The following CASP9 variants were observed in gnomAD, a reference collection of about 807,000 sequenced individuals.
The protein encoded by CASP9 is caspase 9, also known as caspase-9.
CASP9 carries 29 observed loss-of-function variants against 43.5 expected under a neutral mutation model. That is an observed-to-expected ratio of 0.67 (90% CI 0.50 to 0.91). The LOEUF (loss-of-function observed/expected upper bound fraction) is 0.91, where lower values mean the gene tolerates loss of function less well. Among genes scored for constraint, CASP9 ranks in the 40% least tolerant of loss-of-function variants. CASP9 has a pLI of 0.00. For missense variants in CASP9, 575 were observed against 537.4 expected, an observed-to-expected ratio of 1.07 and a Z score of -0.69; for synonymous variants, 206 against 211.9, an observed-to-expected ratio of 0.97 and a Z score of 0.24.
At chr1:15,500,096 GA>G (rs1178617272) in intron 6 of CASP9, among the ~76,000 whole-genome samples, 1 of 149,722 alleles carries the variant, frequency 6.7e-6, no homozygotes, top group Non-Finnish European at 1.5e-5. Flanking sequence ...ACTCAGGAAA[GA>G]AGGCATCTAA....
chr1:15,501,685 C>T (rs1352332945), intron 6 of CASP9, among the ~76,000 whole-genome samples: 1 of 152,214 alleles, frequency 6.6e-6, no homozygotes, highest in African/African-American at 2.4e-5. Flanking sequence ...TGCATGCTGG[C>T]TTTGAAATCT....
chr1:15,500,437 A>T (rs1040463370), intron 6 of CASP9, among the ~76,000 whole-genome samples: 5 of 152,162 alleles, frequency 3.3e-5, no homozygotes, highest in African/African-American at 1.2e-4. Context: ...GCAACCCCAT[A>T]ATAGTAACAC....
rs530381203 is a variant in CASP9 at position 15,510,234 on chromosome 1, T to TTTTTTC, written c.419-2333_419-2328dup. Among the ~76,000 whole-genome samples, 402 of 152,224 alleles carry TTTTTTC rather than the reference T, an allele frequency of 2.6e-3. 1 individual carries two copies. Among genetic ancestry groups the TTTTTTC allele is most frequent in the African/African-American group, 9.2e-3 (383 of 41,552 alleles). On this transcript the variant is annotated intron_variant, in intron 2 of 8. Coordinates refer to ENST00000333868, the MANE Select transcript of CASP9 (RefSeq NM_001229.5). Reference sequence around the variant, plus strand: ...CATGAGCCACCACGCCCGGCCTACATTTTTTCTTTTTTAAACAAGGAGAAT... The same window carrying TTTTTTC: ...CATGAGCCACCACGCCCGGCCTACATTTTTTCTTTTTCTTTTTTAAACAAGGAGAAT...
intron 1 of CASP9, among the ~76,000 whole-genome samples, chr1:15,519,117 C>T (rs1388146294): frequency 6.6e-6 from 1 of 151,866 alleles, no homozygotes; most frequent in Non-Finnish European, 1.5e-5. Context: ...TCAAGTGATC[C>T]TCCAGCCTTG....
intron 5 of CASP9, among the ~76,000 whole-genome samples, 197 bp downstream of exon 5, chr1:15,505,793 C>T (rs1316129809): frequency 6.6e-6 from 1 of 152,220 alleles, no homozygotes; most frequent in African/African-American, 2.4e-5. Context: ...GAACACCGAC[C>T]TGCCCAGGAC....
At chr1:15,499,694 G>A (rs1387972392) in intron 6 of CASP9, among the ~76,000 whole-genome samples, 1 of 152,176 alleles carries the variant, frequency 6.6e-6, no homozygotes, top group Non-Finnish European at 1.5e-5. Context: ...TCATGAAAAT[G>A]GCCCATTATA....
intron 2 of CASP9, among the ~76,000 whole-genome samples, chr1:15,510,937 G>A (rs1342458104): frequency 6.6e-6 from 1 of 152,138 alleles, no homozygotes; most frequent in Non-Finnish European, 1.5e-5. Flanking sequence ...AGGGAAAGAA[G>A]GGGTTTCGTC....
rs1392013515 is a variant in CASP9 at position 15,524,051 on chromosome 1, A to AGGGGGAC, written c.132+17_132+18insGTCCCCC. ...GGACCCGGCCGTGCAGCGCGGGGAC[A>AGGGGGAC]GGGGGCCGGGGGCGCACCTGGATGT... On this transcript the variant is annotated intron_variant, in intron 1 of 8. Transcript: ENST00000333868. 1 of 1,392,354 alleles carries AGGGGGAC rather than the reference A, an allele frequency of 7.2e-7. No individual in the cohort carries two copies. The highest frequency in any genetic ancestry group is 3.0e-5 in the East Asian group (1 of 33,054). 86.2% of individuals were successfully genotyped at this position (1,392,354 alleles called of 1,614,324 possible).
chr1:15,491,639 T>A lies in CASP9; in HGVS notation c.*1304A>T, dbSNP rs183612905. On this transcript the variant is annotated 3_prime_UTR_variant, in exon 9 of 9. Transcript: ENST00000333868. ...TGGGAGAGGTGGTGCACACCTGTAG[T>A]CCAAGCTACTCAGGTGGCTGAGGTG... 1.9e-4 allele frequency: 50 copies of A among 267,734 alleles called. No homozygotes were observed. Among genetic ancestry groups the A allele is most frequent in the African/African-American group, 8.9e-4 (41 of 45,882 alleles). The allele number at this position is 267,734 out of a possible 1,614,324, so 16.6% of individuals were successfully genotyped here. A position where few individuals can be genotyped will look rare whatever the true frequency, so the allele number is the denominator to read the frequency against.
In CASP9 at chr1:15,518,100, T is replaced by A; in HGVS notation, c.418+10A>T. 1 of 1,613,282 alleles carries A rather than the reference T, an allele frequency of 6.2e-7. No homozygotes were observed. Among genetic ancestry groups the A allele is most frequent in the Non-Finnish European group, 8.5e-7 (1 of 1,179,378 alleles). On this transcript the variant is annotated intron_variant, in intron 2 of 8. Coordinates refer to ENST00000333868, the MANE Select transcript of CASP9 (RefSeq NM_001229.5). ...CATGCCCACCCACCAATCACTCTCT[T>A]GCTACTTACCGACATCACCAAATCC...
At chr1:15,507,258 C>A (rs1044904289) in intron 3 of CASP9, 183 bp from the exon 4 acceptor site, 4 of 614,320 alleles carry the variant, frequency 6.5e-6, no homozygotes, top group African/African-American at 1.9e-5. Flanking sequence ...GTGACCCCCC[C>A]ATCTTGGTAT....
Position 15,524,212 on chromosome 1 carries a change from A to C in CASP9, c.-12T>G. ...TCCGCTTCGTCCATGGCGAGTAGCC[A>C]ACTAAGACTCCAGGCCGCCTCAGTC... On this transcript the variant is annotated 5_prime_UTR_variant, in exon 1 of 9. Coordinates refer to ENST00000333868, the MANE Select transcript of CASP9 (RefSeq NM_001229.5). 1 of 1,540,370 alleles carries C rather than the reference A, an allele frequency of 6.5e-7. No homozygotes were observed. The highest frequency in any genetic ancestry group is 8.7e-7 in the Non-Finnish European group (1 of 1,148,058).
intron 3 of CASP9, 107 bp downstream of exon 3, chr1:15,507,766 G>C: frequency 9.3e-7 from 1 of 1,072,518 alleles, no homozygotes; most frequent in Non-Finnish European, 1.4e-6. Flanking sequence ...GCACTGCCTA[G>C]GGTTGGGTTC....
rs1366824945 is a variant in CASP9, at chr1:15,492,678, C to T, written c.*265G>A. 3.8e-6 allele frequency: 2 copies of T among 520,990 alleles called. No homozygotes were observed. The highest frequency in any genetic ancestry group is 3.2e-5 in the East Asian group (1 of 31,572). The allele number at this position is 520,990 out of a possible 1,614,324, so 32.3% of individuals were successfully genotyped here. A position where few individuals can be genotyped will look rare whatever the true frequency, so the allele number is the denominator to read the frequency against. On this transcript the variant is annotated 3_prime_UTR_variant, in exon 9 of 9. Transcript: ENST00000333868. ...TAGAGACAACACAGGGATCATGGGA[C>T]ACAAGTCACTAGCCCTGGACCAGCC...
intron 2 of CASP9, among the ~76,000 whole-genome samples, chr1:15,510,392 A>C (rs1459181756): frequency 6.6e-6 from 1 of 152,264 alleles, no homozygotes; most frequent in South Asian, 2.1e-4. Flanking sequence ...CATCCCATTC[A>C]CATCCCATTT....
chr1:15,497,162 T>C (rs1471256803), intron 6 of CASP9, among the ~76,000 whole-genome samples: 1 of 149,862 alleles, frequency 6.7e-6, no homozygotes, highest in Non-Finnish European at 1.5e-5. Flanking sequence ...AATACAAAAA[T>C]TACCCAGGCG....
At chr1:15,514,969 C>T (rs1274069408) in intron 2 of CASP9, among the ~76,000 whole-genome samples, 1 of 152,084 alleles carries the variant, frequency 6.6e-6, no homozygotes, top group African/African-American at 2.4e-5. Flanking sequence ...CACACCACCG[C>T]ACTCCACCCT....
At chr1:15,493,720 T>A in intron 8 of CASP9, 172 bp downstream of exon 8, 1 of 1,496,476 alleles carries the variant, frequency 6.7e-7, no homozygotes. Flanking sequence ...ACAGGCAGGA[T>A]GCCTCTCATA....
At chr1:15,511,664 C>G (rs577449189) in intron 2 of CASP9, among the ~76,000 whole-genome samples, 4 of 152,286 alleles carry the variant, frequency 2.6e-5, no homozygotes, top group Admixed American at 2.0e-4. Context: ...TTGGCCTCCC[C>G]AAGTGCTGGG....
Sources: gnomAD v4.1 joint callset for allele counts (sites outside exome capture counted in the v4.1 genomes callset) on GRCh38, gnomAD v4.1.1 for gene constraint, MANE v1.5 for transcripts, NCBI Gene and HGNC (gene_info 2026-07-23, HGNC 2026-07-21) for gene names.